FEZ2: variants seen among roughly 807,000 people sequenced by gnomAD.
FEZ2 encodes fasciculation and elongation protein zeta 2.
FEZ2 carries 51 observed loss-of-function variants against 40.4 expected under a neutral mutation model. That is an observed-to-expected ratio of 1.26 (90% CI 1.01 to 1.59). The LOEUF is 1.59. Among genes scored for constraint, FEZ2 ranks in the 40% most tolerant of loss-of-function variants. The pLI, the probability that FEZ2 is intolerant of heterozygous loss-of-function variation, is 0.00. For synonymous variants in FEZ2, 242 were observed against 172.0 expected, an observed-to-expected ratio of 1.41 and a Z score of -3.18; for missense variants, 640 against 438.3, an observed-to-expected ratio of 1.46 and a Z score of -4.11.
At chr2:36,570,409 T>G (rs1234650867) in intron 5 of FEZ2, among the ~76,000 whole-genome samples, 1 of 152,168 alleles carries the variant, frequency 6.6e-6, no homozygotes, top group Non-Finnish European at 1.5e-5. Context: ...CTTTTTAAAA[T>G]TTTTTATGTA....
At chr2:36,565,544 C>T (rs1458965183) in intron 5 of FEZ2, among the ~76,000 whole-genome samples, 1 of 152,128 alleles carries the variant, frequency 6.6e-6, no homozygotes, top group Non-Finnish European at 1.5e-5. Context: ...TGGTGGCACA[C>T]ACCACCCCCT....
chr2:36,578,872 C>T lies in FEZ2; in HGVS notation c.635-7G>A. 1 of 1,602,356 alleles carries T rather than the reference C, an allele frequency of 6.2e-7. No individual in the cohort carries two copies. Among genetic ancestry groups the T allele is most frequent in the Non-Finnish European group, 8.5e-7 (1 of 1,175,478 alleles). Reference sequence around the variant, plus strand: ...ACTGAGAGCCTTTTCACTCCTGTGACCAAAAGCAAAATACAGCAGATATTA... The same window carrying T: ...ACTGAGAGCCTTTTCACTCCTGTGATCAAAAGCAAAATACAGCAGATATTA... On this transcript the variant is annotated splice_polypyrimidine_tract_variant and splice_region_variant and intron_variant, in intron 4 of 7. Coordinates refer to ENST00000405912, the MANE Select transcript of FEZ2 (RefSeq NM_005102.3).
intron 2 of FEZ2, among the ~76,000 whole-genome samples, chr2:36,589,262 G>A (rs969035907): frequency 6.6e-6 from 1 of 152,174 alleles, no homozygotes; most frequent in Non-Finnish European, 1.5e-5. Flanking sequence ...AAAGTGATCT[G>A]GGGACTAGCA....
At chr2:36,579,404 T>C (rs1478661613) in intron 4 of FEZ2, among the ~76,000 whole-genome samples, 1 of 152,206 alleles carries the variant, frequency 6.6e-6, no homozygotes, top group Non-Finnish European at 1.5e-5. Context: ...CCAAATCTCA[T>C]ACAGAAATGT....
At position 36,570,040 on chromosome 2, in the gene FEZ2, G is replaced by C. The variant is rs891139857; in HGVS notation, c.903+8557C>G. Among the ~76,000 whole-genome samples, 4 of 152,064 alleles carry C rather than the reference G, an allele frequency of 2.6e-5. No homozygotes were observed. The South Asian group carries it at 6.2e-4, about 24-fold the overall frequency. ...ATTTTCAAACATTATAAAACAGTAG[G>C]TTTAATTTTTAATAAATTAAAATAA... On this transcript the variant is annotated intron_variant, in intron 5 of 7. Coordinates refer to ENST00000405912, the MANE Select transcript of FEZ2 (RefSeq NM_005102.3).
chr2:36,563,374 T>G (rs148291829), intron 5 of FEZ2, among the ~76,000 whole-genome samples: 1 of 152,288 alleles, frequency 6.6e-6, no homozygotes, highest in African/African-American at 2.4e-5. Context: ...GCTGAGTCAG[T>G]GGCTGCAGCT....
At chr2:36,567,874 A>T (rs1668292404) in intron 5 of FEZ2, among the ~76,000 whole-genome samples, 1 of 152,230 alleles carries the variant, frequency 6.6e-6, no homozygotes, top group Admixed American at 6.5e-5. Context: ...CAGTGAGACC[A>T]GGAAGAAACA....
At chr2:36,559,641 GAAC>G (rs1009542601) in intron 5 of FEZ2, among the ~76,000 whole-genome samples, 8 of 152,172 alleles carry the variant, frequency 5.3e-5, no homozygotes, top group African/African-American at 9.7e-5. Flanking sequence ...TCTTTGTAAA[GAAC>G]AACAACAACA....
chr2:36,595,980 C>A (rs1669211133), intron 1 of FEZ2, among the ~76,000 whole-genome samples: 1 of 152,064 alleles, frequency 6.6e-6, no homozygotes, highest in Admixed American at 6.6e-5. Context: ...TCTTGAAAAA[C>A]CCAAATACAT....
intron 5 of FEZ2, 140 bp downstream of exon 5, chr2:36,578,457 A>C: frequency 1.1e-6 from 1 of 915,280 alleles, no homozygotes; most frequent in Non-Finnish European, 1.7e-6. Flanking sequence ...ATTCTGGAAT[A>C]AAATCCCACT....
At chr2:36,568,970 C>G (rs1668330655) in intron 5 of FEZ2, among the ~76,000 whole-genome samples, 1 of 152,148 alleles carries the variant, frequency 6.6e-6, no homozygotes, top group Admixed American at 6.5e-5. Flanking sequence ...CCCCAAGGCC[C>G]ATTTACAACA....
chr2:36,576,747 G>C (rs10197570), intron 5 of FEZ2, among the ~76,000 whole-genome samples: 2 of 152,158 alleles, frequency 1.3e-5, no homozygotes, highest in South Asian at 4.1e-4. Flanking sequence ...ACCAATGAAG[G>C]CTGAAGTAAG....
At chr2:36,559,977 C>T (rs1482038317) in intron 5 of FEZ2, among the ~76,000 whole-genome samples, 1 of 152,240 alleles carries the variant, frequency 6.6e-6, no homozygotes, top group African/African-American at 2.4e-5. Flanking sequence ...AAACTCCAGG[C>T]ATTTGATCTA....
chr2:36,585,800 G>C (rs1274963147), intron 2 of FEZ2, among the ~76,000 whole-genome samples: 2 of 152,204 alleles, frequency 1.3e-5, no homozygotes, highest in Non-Finnish European at 2.9e-5. Context: ...GGAAGTTTTT[G>C]GGAGGGTATA....
chr2:36,587,566 T>C (rs576761660), intron 2 of FEZ2, among the ~76,000 whole-genome samples: 45 of 152,236 alleles, frequency 3.0e-4, no homozygotes, highest in Non-Finnish European at 5.9e-4. Flanking sequence ...CATCTTAATC[T>C]TCAATCAAAG....
chr2:36,560,795 C>G (rs1326610476), intron 5 of FEZ2: 2 of 1,603,852 alleles, frequency 1.2e-6, no homozygotes, highest in Non-Finnish European at 1.7e-6. Context: ...CTGTTTCTCT[C>G]CACCTGAATT....
chr2:36,588,190 G>A (rs971578675), intron 2 of FEZ2, among the ~76,000 whole-genome samples: 2 of 152,018 alleles, frequency 1.3e-5, no homozygotes, highest in Non-Finnish European at 2.9e-5. Flanking sequence ...CACCACGCCT[G>A]GCTAATTTTG....
At chr2:36,555,834 C>A in intron 6 of FEZ2, 86 bp from the exon 7 acceptor site, 1 of 779,604 alleles carries the variant, frequency 1.3e-6, no homozygotes, top group South Asian at 1.9e-5. Flanking sequence ...TGGCCTTAAT[C>A]TTCCTTAATT....
chr2:36,580,633 A>T (rs1205617024), intron 4 of FEZ2, among the ~76,000 whole-genome samples: 2 of 152,254 alleles, frequency 1.3e-5, no homozygotes, highest in African/African-American at 4.8e-5. Context: ...GACTATTTGT[A>T]CAAACAGGAA....
Sources: gnomAD v4.1 joint callset for allele counts (sites outside exome capture counted in the v4.1 genomes callset) on GRCh38, gnomAD v4.1.1 for gene constraint, MANE v1.5 for transcripts, NCBI Gene and HGNC (gene_info 2026-07-23, HGNC 2026-07-21) for gene names.